The following TNKS2 variants were observed in gnomAD, a reference collection of about 807,000 sequenced individuals.
TNKS2 encodes poly [ADP-ribose] polymerase tankyrase-2.
Under a neutral mutation model 137.6 loss-of-function variants are expected in TNKS2, and 72 were observed. The ratio of observed to expected loss-of-function variants is 0.52; its 90% CI spans 0.43 to 0.64. The LOEUF (loss-of-function observed/expected upper bound fraction) is 0.64. Ranked by LOEUF, TNKS2 falls within the 30% of genes least tolerant of loss-of-function variation. TNKS2 has a pLI of 0.00. For synonymous variants in TNKS2, 516 were observed against 512.1 expected (o/e 1.01, Z -0.10); for missense variants, 1,049 against 1,410.2 (o/e 0.74, Z 4.10).
chr10:91,832,472 G>GT (rs11392641), intron 11 of TNKS2, among the ~76,000 whole-genome samples: 75,468 of 148,298 alleles, frequency 0.51, 19,308 homozygotes, highest in East Asian at 0.71. Context: ...TACCCAAATA[G>GT]TTTTTTTTTT....
chr10:91,833,467 A>C (rs1372541617), intron 11 of TNKS2, among the ~76,000 whole-genome samples: 1 of 152,158 alleles, frequency 6.6e-6, no homozygotes, highest in East Asian at 1.9e-4. Flanking sequence ...AAGCATTTTA[A>C]TGCTAATTTA....
At chr10:91,832,812 T>A (rs988785990) in intron 11 of TNKS2, among the ~76,000 whole-genome samples, 17 of 152,098 alleles carry the variant, frequency 1.1e-4, no homozygotes, top group Non-Finnish European at 2.2e-4. Flanking sequence ...ATTTTTTTTT[T>A]ATTGTGAAAA....
chr10:91,835,285 C>CTTTTTTTTTTTCT (rs1554838009), intron 12 of TNKS2, among the ~76,000 whole-genome samples: 6 of 140,366 alleles, frequency 4.3e-5, no homozygotes, highest in South Asian at 2.2e-4. Context: ...TCTTTTTTTT[C>CTTTTTTTTTTTCT]TTTTTTTTTT....
At position 91,861,993 on chromosome 10, in the gene TNKS2, T is replaced by TTA. The variant is rs762193478; in HGVS notation, c.3282-3_3282-2dup. The stretch of plus-strand genomic sequence containing the variant: ...TCAGGGTGATCTTTTCCTTTTCGTT[T>TTA]TATAGGCAGCTGCTCTTTTGCCGGG... On this transcript the variant is annotated splice_region_variant and splice_polypyrimidine_tract_variant and intron_variant, in intron 25 of 26. Transcript: ENST00000371627. 1 of 1,602,870 alleles carries TTA rather than the reference T, an allele frequency of 6.2e-7. No individual in the cohort carries two copies. The highest frequency in any genetic ancestry group is 1.1e-5 in the South Asian group (1 of 89,024).
intron 11 of TNKS2, among the ~76,000 whole-genome samples, chr10:91,833,023 A>G (rs1841870248): frequency 6.6e-6 from 1 of 152,200 alleles, no homozygotes; most frequent in Admixed American, 6.6e-5. Context: ...ATGCACATCA[A>G]CTAGAGTTTA....
intron 20 of TNKS2, among the ~76,000 whole-genome samples, chr10:91,850,367 CAAAAA>C (rs1227362681): frequency 1.1e-5 from 1 of 89,250 alleles, no homozygotes. Context: ...GACTCGGTCT[CAAAAA>C]AAAAAAAAAA....
intron 18 of TNKS2, 89 bp from the exon 19 acceptor site, chr10:91,848,294 T>C: frequency 7.2e-7 from 1 of 1,395,250 alleles, no homozygotes; most frequent in Non-Finnish European, 9.5e-7. Flanking sequence ...AATTGCTGGG[T>C]TTTCTCATAT....
At chr10:91,849,670 A>C in intron 20 of TNKS2, 76 bp downstream of exon 20, 1 of 1,148,108 alleles carries the variant, frequency 8.7e-7, no homozygotes, top group Non-Finnish European at 1.3e-6. Flanking sequence ...ACTTGAAATG[A>C]GCTGAACCAT....
chr10:91,831,491 C>G (rs1034901647), intron 11 of TNKS2, among the ~76,000 whole-genome samples: 2 of 152,106 alleles, frequency 1.3e-5, no homozygotes, highest in African/African-American at 4.8e-5. Flanking sequence ...TCTTTTCTCA[C>G]CCATATCTTC....
At chr10:91,817,267 A>G (rs777930625) in intron 3 of TNKS2, 38 bp downstream of exon 3, 4 of 1,511,750 alleles carry the variant, frequency 2.6e-6, no homozygotes, top group African/African-American at 2.8e-5. Context: ...GGAAGCCTGT[A>G]AAGAACAACC....
chr10:91,828,489 C>T (rs1589666178), intron 9 of TNKS2, 83 bp downstream of exon 9: 1 of 1,297,956 alleles, frequency 7.7e-7, no homozygotes, highest in Non-Finnish European at 1.0e-6. Context: ...TTAGAACTAG[C>T]ATTTTTTTGA....
chr10:91,827,097 A>G lies in TNKS2; in HGVS notation c.876A>G (p.Val292=), dbSNP rs773539653. 7 of 1,611,974 alleles carry G rather than the reference A, an allele frequency of 4.3e-6. No homozygotes were observed. Among genetic ancestry groups the G allele is most frequent in the Non-Finnish European group, 5.1e-6 (6 of 1,179,004 alleles). ...CAGCTTCTAAGAACAGGGTTGAAGTATGTTCTCTTCTCTTAAGTTATGGTG... is the reference window on the plus strand; with the variant it reads ...CAGCTTCTAAGAACAGGGTTGAAGTGTGTTCTCTTCTCTTAAGTTATGGTG... The part of the protein sequence containing the change: ...HEAASKNRVE[V]CSLLLSYGAD... Residue 292 remains valine, a synonymous_variant, in exon 8 of 27, where the codon GTA becomes GTG. Coordinates refer to ENST00000371627, the MANE Select transcript of TNKS2 (RefSeq NM_025235.4).
At chr10:91,812,107 G>A (rs1244690177) in intron 1 of TNKS2, among the ~76,000 whole-genome samples, 2 of 151,558 alleles carry the variant, frequency 1.3e-5, no homozygotes, top group African/African-American at 2.4e-5. Context: ...AGAAGAGTGA[G>A]CAGTTCCTTT....
chr10:91,860,766 TAA>T (rs1842831566), intron 25 of TNKS2, among the ~76,000 whole-genome samples: 1 of 152,194 alleles, frequency 6.6e-6, no homozygotes, highest in South Asian at 2.1e-4. Flanking sequence ...GTTACCCCTC[TAA>T]ATTTAGGCCT....
intron 23 of TNKS2, 97 bp from the exon 24 acceptor site, chr10:91,857,328 C>A: frequency 1.5e-6 from 1 of 659,158 alleles, no homozygotes; most frequent in South Asian, 3.2e-5. Context: ...ACAGTTTTGC[C>A]TACCTTCTAG....
intron 1 of TNKS2, among the ~76,000 whole-genome samples, chr10:91,805,469 T>C (rs574443748): frequency 1.3e-5 from 2 of 152,350 alleles, no homozygotes; most frequent in South Asian, 2.1e-4. Flanking sequence ...TCTTTCTCTT[T>C]AACTCTGATT....
chr10:91,837,094 T>C, intron 13 of TNKS2, 96 bp downstream of exon 13: 1 of 1,240,770 alleles, frequency 8.1e-7, no homozygotes, highest in Non-Finnish European at 1.1e-6. Flanking sequence ...GGTTTATTTG[T>C]ATGGGCCTTG....
rs199620806 is a variant in TNKS2, at chr10:91,859,646, C to T, written c.3279C>T (p.His1093=). The T allele has an allele frequency of 1.9e-6, 3 of 1,610,318 alleles. No individual in the cohort carries two copies. The highest frequency in any genetic ancestry group is 3.4e-5 in the Admixed American group (2 of 59,312). Reference sequence around the variant, plus strand: ...AAGACAGATCTTGTTACATTTGCCACAGGTAAGAGATCACTTGTTCTCATT... The same window carrying T: ...AAGACAGATCTTGTTACATTTGCCATAGGTAAGAGATCACTTGTTCTCATT... ...VHKDRSCYIC[H]RQLLFCRVTL... The change falls in exon 25 of 27, where the codon CAC becomes CAT. Residue 1093 remains histidine (H), a splice_region_variant and synonymous_variant. Coordinates refer to ENST00000371627, the MANE Select transcript of TNKS2 (RefSeq NM_025235.4).
chr10:91,810,457 C>T (rs1307106988), intron 1 of TNKS2, among the ~76,000 whole-genome samples: 1 of 151,922 alleles, frequency 6.6e-6, no homozygotes, highest in Non-Finnish European at 1.5e-5. Context: ...GGACAAAGGC[C>T]AGGTGCTGCC....
Sources: gnomAD v4.1 joint callset for allele counts (sites outside exome capture counted in the v4.1 genomes callset) on GRCh38, gnomAD v4.1.1 for gene constraint, MANE v1.5 for transcripts, NCBI Gene and HGNC (gene_info 2026-07-23, HGNC 2026-07-21) for gene names.